PYGL: variants seen among roughly 807,000 people sequenced by gnomAD.
PYGL encodes the protein glycogen phosphorylase L.
Under a neutral mutation model 100.1 loss-of-function variants are expected in PYGL, and 90 were observed. The ratio of observed to expected loss-of-function variants is 0.90; its 90% confidence interval spans 0.76 to 1.07. The LOEUF (loss-of-function observed/expected upper bound fraction) is 1.07. PYGL is among the 50% of genes least tolerant of loss of function. The pLI is 0.00. For synonymous variants in PYGL, 373 were observed against 393.0 expected, an observed-to-expected ratio of 0.95 and a Z score of 0.60; for missense variants, 1,016 against 1,057.6, an observed-to-expected ratio of 0.96 and a Z score of 0.55.
intron 12 of PYGL, 42 bp from the exon 13 acceptor site, chr14:50,913,172 T>C (rs1367701864): frequency 1.9e-6 from 3 of 1,572,456 alleles, no homozygotes; most frequent in Admixed American, 1.7e-5. Context: ...TTGGGGATGG[T>C]AATCAAGTCC....
chr14:50,931,953 T>C (rs1279198761), intron 3 of PYGL, among the ~76,000 whole-genome samples, 177 bp from the exon 4 acceptor site: 1 of 152,252 alleles, frequency 6.6e-6, no homozygotes, highest in East Asian at 1.9e-4. Flanking sequence ...AACTCATTTC[T>C]AATTATAAAA....
rs370146962 is a variant in PYGL, at chr14:50,911,699, G to A, written c.1969+31C>T. ...CATGTAATCTCTAGAGTTTGCCCTG[G>A]CCCCTGCATATTTTGCAATGAGGGT... On this transcript the variant is annotated intron_variant, in intron 16 of 19. Transcript: ENST00000216392. 6.2e-6 allele frequency: 10 copies of A among 1,613,040 alleles called. No individual in the cohort carries two copies. In the South Asian group the frequency reaches 7.7e-5, roughly 12 times the overall value.
intron 14 of PYGL, 45 bp downstream of exon 14, chr14:50,912,111 T>A (rs751901241): frequency 2.5e-6 from 4 of 1,614,048 alleles, no homozygotes; most frequent in South Asian, 2.2e-5. Context: ...CTGAGTCTGC[T>A]GCTTCCACCT....
chr14:50,915,346 T>A lies in PYGL; in HGVS notation c.1393A>T (p.Lys465Ter), dbSNP rs1440922248. ...GVAKIHSDIV[K>*]TKVFKDFSEL... ...GTAATGGAGGCTCACACTTTAGTCT[T>A]CACGATGTCTGAGTGGATTTTAGCC... Residue 465 changes from lysine (K) to a stop codon, truncating the protein, a stop_gained, in exon 11 of 20, where the codon AAG (lysine) becomes TAG (stop). Transcript: ENST00000216392. LOFTEE classifies it high-confidence loss of function. 3.7e-6 allele frequency: 6 copies of A among 1,614,060 alleles called. No individual in the cohort carries two copies. Among genetic ancestry groups the A allele is most frequent in the Non-Finnish European group, 4.2e-6 (5 of 1,180,020 alleles).
intron 4 of PYGL, among the ~76,000 whole-genome samples, chr14:50,927,264 G>A (rs1333172725): frequency 3.3e-5 from 5 of 152,044 alleles, no homozygotes; most frequent in African/African-American, 9.6e-5. Context: ...TTGCTCTGTC[G>A]CCCAGGCTGG....
chr14:50,910,694 A>G (rs1434568186), intron 16 of PYGL, among the ~76,000 whole-genome samples: 2 of 152,152 alleles, frequency 1.3e-5, no homozygotes, highest in African/African-American at 4.8e-5. Context: ...TTGATCCATA[A>G]CATTCAGAGT....
At chr14:50,941,923 AAT>A (rs2050705366) in intron 1 of PYGL, among the ~76,000 whole-genome samples, 1 of 152,104 alleles carries the variant, frequency 6.6e-6, no homozygotes, top group Non-Finnish European at 1.5e-5. Context: ...TGGGAGAAAT[AAT>A]GGTTTGAGTT....
chr14:50,942,486 G>A lies in PYGL; in HGVS notation c.243+1675C>T, dbSNP rs756619441. On this transcript the variant is annotated intron_variant, in intron 1 of 19. Transcript: ENST00000216392. Reference sequence around the variant, plus strand: ...AAAATAATTTTTAATGAGAGGCGCAGTATGGTGTACTTAGTAGCATTCCCT... The same window carrying A: ...AAAATAATTTTTAATGAGAGGCGCAATATGGTGTACTTAGTAGCATTCCCT... Among the ~76,000 whole-genome samples, 33 of 140,348 alleles carry A rather than the reference G, an allele frequency of 2.4e-4. 2 individuals are homozygous for A. The highest frequency in any genetic ancestry group is 2.2e-4 in the Non-Finnish European group (14 of 63,746). 92.1% of individuals were successfully genotyped at this position (140,348 alleles called of 152,430 possible). A position where few individuals can be genotyped will look rare whatever the true frequency, so the allele number is the denominator to read the frequency against.
At chr14:50,907,252 T>G (rs1002622822) in intron 19 of PYGL, among the ~76,000 whole-genome samples, 3 of 152,192 alleles carry the variant, frequency 2.0e-5, no homozygotes, top group Non-Finnish European at 4.4e-5. Flanking sequence ...TTTTTAAAAA[T>G]TCAATTATGA....
chr14:50,932,296 TATTAGGTG>T (rs2050608813), intron 3 of PYGL, among the ~76,000 whole-genome samples: 1 of 152,216 alleles, frequency 6.6e-6, no homozygotes, highest in Non-Finnish European at 1.5e-5. Context: ...GTTGTTCAGA[TATTAGGTG>T]ATCATATGCT....
intron 17 of PYGL, among the ~76,000 whole-genome samples, chr14:50,909,383 A>G (rs1359885102): frequency 6.6e-6 from 1 of 152,194 alleles, no homozygotes; most frequent in Non-Finnish European, 1.5e-5. Context: ...ACATCCTCCA[A>G]ATGTTACTTC....
rs199526065 is a variant in PYGL at position 50,905,382 on chromosome 14, A to G, written c.*10T>C. 1.5e-5 allele frequency: 23 copies of G among 1,514,632 alleles called. No homozygotes were observed. In the South Asian group the frequency reaches 2.2e-4, roughly 14 times the overall value. The allele number at this position is 1,514,632 out of a possible 1,614,324, so 93.8% of individuals were successfully genotyped here. A position where few individuals can be genotyped will look rare whatever the true frequency, so the allele number is the denominator to read the frequency against. The stretch of plus-strand genomic sequence containing the variant: ...TAAGAAGCTATGTTTTCTAGAGACA[A>G]TTCTAGAGTTCAATTTCCATTGACT... On this transcript the variant is annotated 3_prime_UTR_variant, in exon 20 of 20. Transcript: ENST00000216392.
chr14:50,944,347 G>A lies in PYGL; in HGVS notation c.57C>T (p.Ile19=). Reference sequence around the variant, plus strand: ...GCTCTGCCACGTTCTCCACGCCCACGATGCCGCGGATGCTGATCTGCCGCC... The same window carrying A: ...GCTCTGCCACGTTCTCCACGCCCACAATGCCGCGGATGCTGATCTGCCGCC... ...EKRRQISIRG[I]VGVENVAELK... The change falls in exon 1 of 20, where the codon ATC becomes ATT. Residue 19 remains isoleucine (I), a synonymous_variant. Coordinates refer to ENST00000216392, the MANE Select transcript of PYGL (RefSeq NM_002863.5). 1 of 1,613,746 alleles carries A rather than the reference G, an allele frequency of 6.2e-7. No homozygotes were observed. Among genetic ancestry groups the A allele is most frequent in the South Asian group, 1.1e-5 (1 of 91,088 alleles).
chr14:50,929,688 AAT>A lies in PYGL; in HGVS notation c.528+1983_528+1984del, dbSNP rs1399376656. 2.2e-4 allele frequency among the ~76,000 whole-genome samples: 33 copies of A among 152,310 alleles called. 1 individual carries two copies. The East Asian group carries it at 3.7e-3, about 17-fold the overall frequency. ...GCATGGTATCCTTTTCCAAGGCTAA[AAT>A]TAGATACCATGTGTTGTTTGGTTAG... On this transcript the variant is annotated intron_variant, in intron 4 of 19. Coordinates refer to ENST00000216392, the MANE Select transcript of PYGL (RefSeq NM_002863.5).
At chr14:50,939,657 C>T (rs1336690452) in intron 1 of PYGL, among the ~76,000 whole-genome samples, 4 of 151,736 alleles carry the variant, frequency 2.6e-5, no homozygotes, top group African/African-American at 9.7e-5. Context: ...TCTATCCTCT[C>T]TTCTCTACTA....
In PYGL at chr14:50,924,062, A is replaced by G. The variant is rs763173353; in HGVS notation, c.567T>C (p.Pro189=). The G allele has an allele frequency of 1.3e-5, 21 of 1,613,880 alleles. No individual in the cohort carries two copies. Among genetic ancestry groups the G allele is most frequent in the East Asian group, 8.9e-5 (4 of 44,878 alleles). ...TGAATTCTGGGCGGGACTTCTCCCAAGGGTTTCCATATCTGAGCCAATCAT... is the reference window on the plus strand; with the variant it reads ...TGAATTCTGGGCGGGACTTCTCCCAGGGGTTTCCATATCTGAGCCAATCAT... ...EADDWLRYGN[P]WEKSRPEFML... The change falls in exon 5 of 20, where the codon CCT becomes CCC. Residue 189 remains proline, a synonymous_variant. Coordinates refer to ENST00000216392, the MANE Select transcript of PYGL (RefSeq NM_002863.5).
intron 15 of PYGL, 22 bp from the exon 16 acceptor site, chr14:50,911,893 G>T: frequency 1.9e-6 from 3 of 1,614,038 alleles, no homozygotes; most frequent in East Asian, 4.5e-5. Context: ...AAGGTCAAAC[G>T]CATTGACAGA....
rs760051052 is a variant in PYGL at position 50,911,735 on chromosome 14, T to TC, written c.1963dup (p.Glu655GlyfsTer64). 5.5e-5 allele frequency: 89 copies of TC among 1,614,096 alleles called. No homozygotes were observed. The highest frequency in any genetic ancestry group is 7.4e-5 in the Non-Finnish European group (87 of 1,180,038). On this transcript the variant is annotated frameshift_variant, in exon 16 of 20. Transcript: ENST00000216392. LOFTEE classifies it high-confidence loss of function. ...TTTTGCAATGAGGGTAGTACCTTTT[T>TC]CAGCAAGAGATACTCTGTAGTTCTC... is the stretch of plus-strand genomic sequence containing the variant.
Position 50,936,365 on chromosome 14 carries a change from T to A in PYGL, c.346-1180A>T, listed in dbSNP as rs77885724. ...TGTCACACAGGTCTTGACAACTGTA[T>A]CTTACGAGTTCAACCTTGGTTATGC... On this transcript the variant is annotated intron_variant, in intron 2 of 19. Transcript: ENST00000216392. Among the ~76,000 whole-genome samples the A allele has an allele frequency of 8.1e-3, 1,228 of 152,304 alleles. 20 individuals carry two copies. The highest frequency in any genetic ancestry group is 0.028 in the African/African-American group (1,180 of 41,562).
Sources: allele counts gnomAD v4.1 joint callset (sites outside exome capture counted in the v4.1 genomes callset), GRCh38; gene constraint gnomAD v4.1.1; transcripts MANE v1.5; gene names NCBI Gene and HGNC (gene_info 2026-07-23, HGNC 2026-07-21).